The following TTLL5 variants were observed in gnomAD, a reference collection of about 807,000 sequenced individuals.
The protein encoded by TTLL5 is tubulin polyglutamylase TTLL5.
A neutral mutation model predicts 168.4 loss-of-function variants in TTLL5; 132 were observed. The observed-to-expected ratio is 0.78, with a 90% confidence interval of 0.68 to 0.91. TTLL5 has a LOEUF of 0.91. Ranked by LOEUF, TTLL5 falls within the 40% of genes least tolerant of loss-of-function variation. The pLI, the probability that TTLL5 is intolerant of heterozygous loss-of-function variation, is 0.00. For synonymous variants in TTLL5, 546 were observed against 558.6 expected (o/e 0.98, Z 0.32); for missense variants, 1,545 against 1,581.5 (o/e 0.98, Z 0.39).
rs190832700 is a variant in TTLL5 at position 75,663,171 on chromosome 14, G to A, written c.22G>A (p.Asp8Asn). ...GGAAATGCCAATCGTGATGGCCCGG[G>A]ACCTGGAGGAAACAGCATCATCCTC... Reference protein sequence around the residue: MPIVMARDLEETASSSED... With the variant: MPIVMARNLEETASSSED... The change falls in exon 2 of 32, where the codon GAC becomes AAC. Residue 8 changes from aspartate (D) to asparagine (N), a missense_variant. Coordinates refer to ENST00000298832, the MANE Select transcript of TTLL5 (RefSeq NM_015072.5). 1 of 1,613,706 alleles carries A rather than the reference G, an allele frequency of 6.2e-7. No individual in the cohort carries two copies. Among genetic ancestry groups the A allele is most frequent in the East Asian group, 2.2e-5 (1 of 44,886 alleles).
At chr14:75,839,916 T>G (rs1234386778) in intron 28 of TTLL5, among the ~76,000 whole-genome samples, 2 of 152,236 alleles carry the variant, frequency 1.3e-5, no homozygotes, top group African/African-American at 4.8e-5. Flanking sequence ...TCAGGTTGTT[T>G]TTGTTATTGT....
chr14:75,910,882 G>A (rs1305962516), intron 31 of TTLL5, among the ~76,000 whole-genome samples: 1 of 152,164 alleles, frequency 6.6e-6, no homozygotes. Context: ...TAAAACAGTA[G>A]TCTCTTATAC....
chr14:75,766,165 G>A lies in TTLL5; in HGVS notation c.1812G>A (p.Gln604=). ...DNEDEEQEAS[Q]EESAGFLREN... ...AAGATGAAGAACAGGAGGCTTCCCA[G>A]GAGGAGTCTGCAGGATTTCTTAGAG... Residue 604 remains glutamine, a synonymous_variant, in exon 20 of 32, where the codon CAG becomes CAA. Coordinates refer to ENST00000298832, the MANE Select transcript of TTLL5 (RefSeq NM_015072.5). 1 of 1,614,008 alleles carries A rather than the reference G, an allele frequency of 6.2e-7. No individual in the cohort carries two copies. The highest frequency in any genetic ancestry group is 8.5e-7 in the Non-Finnish European group (1 of 1,179,970).
At chr14:75,723,950 T>G (rs148640773) in intron 12 of TTLL5, among the ~76,000 whole-genome samples, 4 of 152,284 alleles carry the variant, frequency 2.6e-5, no homozygotes, top group African/African-American at 9.6e-5. Flanking sequence ...TATATTTGTA[T>G]GAGTCTCTGC....
chr14:75,893,585 G>A (rs1180955048), intron 30 of TTLL5, among the ~76,000 whole-genome samples: 2 of 152,058 alleles, frequency 1.3e-5, no homozygotes, highest in African/African-American at 4.8e-5. Flanking sequence ...TTGGGAGGCC[G>A]AGGTGGGCGG....
intron 28 of TTLL5, among the ~76,000 whole-genome samples, chr14:75,853,627 C>T (rs1896986661): frequency 6.6e-6 from 1 of 152,140 alleles, no homozygotes; most frequent in Admixed American, 6.5e-5. Context: ...TAGCTAAAAT[C>T]AGGAAATTAT....
At chr14:75,902,624 G>A (rs1045069617) in intron 31 of TTLL5, 9 of 458,748 alleles carry the variant, frequency 2.0e-5, no homozygotes, top group African/African-American at 4.0e-5. Context: ...AGAAAGTTGA[G>A]GGCTTGTTGA....
chr14:75,746,269 G>A (rs1889603642), intron 17 of TTLL5, among the ~76,000 whole-genome samples: 1 of 151,834 alleles, frequency 6.6e-6, no homozygotes, highest in Non-Finnish European at 1.5e-5. Context: ...TATATACTAT[G>A]TCATTGTTTG....
chr14:75,680,489 C>G (rs1039642600), intron 3 of TTLL5, among the ~76,000 whole-genome samples: 2 of 152,062 alleles, frequency 1.3e-5, no homozygotes, highest in Non-Finnish European at 2.9e-5. Flanking sequence ...TTTTAGAGCA[C>G]CATGAGAAAC....
intron 31 of TTLL5, among the ~76,000 whole-genome samples, chr14:75,943,774 G>A (rs918260274): frequency 6.6e-6 from 1 of 152,108 alleles, no homozygotes; most frequent in Non-Finnish European, 1.5e-5. Flanking sequence ...GCCAAATAGT[G>A]CAAAATAACT....
chr14:75,759,479 T>C (rs531539675), intron 18 of TTLL5, among the ~76,000 whole-genome samples: 2 of 152,266 alleles, frequency 1.3e-5, no homozygotes, highest in African/African-American at 2.4e-5. Flanking sequence ...ACCAATCTTA[T>C]ACAGATTCTT....
At chr14:75,873,074 CTTTTT>C in intron 29 of TTLL5, among the ~76,000 whole-genome samples, 1 of 110,356 alleles carries the variant, frequency 9.1e-6, no homozygotes. Flanking sequence ...ATCTCCAGAA[CTTTTT>C]TTTTTTTTTT....
intron 29 of TTLL5, among the ~76,000 whole-genome samples, chr14:75,868,825 G>C (rs1264124599): frequency 6.6e-6 from 1 of 152,154 alleles, no homozygotes; most frequent in Non-Finnish European, 1.5e-5. Context: ...TTGTGGAGGA[G>C]GGGAGGGGAA....
At chr14:75,858,593 C>G (rs367758978) in intron 28 of TTLL5, among the ~76,000 whole-genome samples, 2 of 152,240 alleles carry the variant, frequency 1.3e-5, no homozygotes, top group East Asian at 1.9e-4. Flanking sequence ...GTTGTTTCCT[C>G]AAAAGTAAAC....
intron 9 of TTLL5, among the ~76,000 whole-genome samples, chr14:75,713,891 A>G (rs746540660): frequency 1.3e-5 from 2 of 152,164 alleles, no homozygotes; most frequent in Non-Finnish European, 2.9e-5. Flanking sequence ...TAAGAATTAT[A>G]TGAAAAATTA....
At chr14:75,882,946 T>G (rs368561353) in intron 30 of TTLL5, 44 bp downstream of exon 30, 8 of 1,580,974 alleles carry the variant, frequency 5.1e-6, no homozygotes, top group Non-Finnish European at 6.9e-6. Flanking sequence ...TTATCAGTTC[T>G]AAGCTAATAG....
chr14:75,907,845 T>A (rs1031678510), intron 31 of TTLL5, among the ~76,000 whole-genome samples: 2 of 152,194 alleles, frequency 1.3e-5, no homozygotes, highest in African/African-American at 4.8e-5. Context: ...AGTATTTCCC[T>A]TAGGAGACTG....
chr14:75,853,886 A>C (rs1897001176), intron 28 of TTLL5, among the ~76,000 whole-genome samples: 1 of 152,134 alleles, frequency 6.6e-6, no homozygotes, highest in African/African-American at 2.4e-5. Flanking sequence ...TCTACTAAAA[A>C]TACAAAAATT....
intron 27 of TTLL5, among the ~76,000 whole-genome samples, chr14:75,800,090 CG>C (rs1893204887): frequency 6.6e-6 from 1 of 152,204 alleles, no homozygotes; most frequent in Non-Finnish European, 1.5e-5. Flanking sequence ...TCTTCTTCCT[CG>C]GGAACACCAG....
Sources: allele counts gnomAD v4.1 joint callset (sites outside exome capture counted in the v4.1 genomes callset), GRCh38; gene constraint gnomAD v4.1.1; transcripts MANE v1.5; gene names NCBI Gene and HGNC (gene_info 2026-07-23, HGNC 2026-07-21).